The following TAFA1 variants were observed in gnomAD, a reference collection of about 807,000 sequenced individuals.
The protein encoded by TAFA1 is chemokine-like protein TAFA-1.
Under a neutral mutation model 18.5 loss-of-function variants are expected in TAFA1, and 4 were observed. That is an observed-to-expected ratio of 0.22 (90% confidence interval 0.11 to 0.49). The LOEUF is 0.49. Ranked by LOEUF, TAFA1 falls within the 20% of genes least tolerant of loss-of-function variation. The pLI is 0.98. For missense variants in TAFA1, 147 were observed against 169.0 expected, an observed-to-expected ratio of 0.87 and a Z score of 0.72; for synonymous variants, 56 against 55.2, an observed-to-expected ratio of 1.01 and a Z score of -0.06.
intron 2 of TAFA1, among the ~76,000 whole-genome samples, chr3:68,384,109 A>G (rs1341128636): frequency 1.3e-5 from 2 of 151,708 alleles, no homozygotes; most frequent in Non-Finnish European, 2.9e-5. Flanking sequence ...GAGGTATTTT[A>G]TTAATTTTCT....
At chr3:68,256,906 C>A (rs1432414298) in intron 2 of TAFA1, among the ~76,000 whole-genome samples, 1 of 152,108 alleles carries the variant, frequency 6.6e-6, no homozygotes, top group Non-Finnish European at 1.5e-5. Flanking sequence ...CCTCCAGTCT[C>A]TTTTCCACAC....
intron 2 of TAFA1, among the ~76,000 whole-genome samples, chr3:68,173,578 A>C (rs893789614): frequency 5.3e-5 from 8 of 152,214 alleles, no homozygotes; most frequent in African/African-American, 1.9e-4. Flanking sequence ...TAAAAACTTC[A>C]AACACTTAAG....
At chr3:68,072,949 G>GAACTAA (rs1189138336) in intron 2 of TAFA1, among the ~76,000 whole-genome samples, 22 of 152,282 alleles carry the variant, frequency 1.4e-4, no homozygotes, top group African/African-American at 5.3e-4. Flanking sequence ...GCATTAATTA[G>GAACTAA]TTTGTTAGAA....
intron 3 of TAFA1, among the ~76,000 whole-genome samples, chr3:68,536,660 T>C (rs908170354): frequency 6.6e-6 from 1 of 152,230 alleles, no homozygotes; most frequent in African/African-American, 2.4e-5. Flanking sequence ...AAGGGAAATA[T>C]AGAGTTTCTT....
chr3:68,055,420 G>T (rs1184870632), intron 2 of TAFA1, among the ~76,000 whole-genome samples: 1 of 152,022 alleles, frequency 6.6e-6, no homozygotes, highest in African/African-American at 2.4e-5. Context: ...CTACCCCAAG[G>T]GTACAGAACT....
intron 2 of TAFA1, among the ~76,000 whole-genome samples, chr3:68,174,532 A>G (rs1359728319): frequency 6.6e-6 from 1 of 152,208 alleles, no homozygotes; most frequent in Non-Finnish European, 1.5e-5. Flanking sequence ...GACATTTGTT[A>G]TGTTTTAGCA....
chr3:68,061,241 A>G (rs2064598597), intron 2 of TAFA1, among the ~76,000 whole-genome samples: 1 of 152,174 alleles, frequency 6.6e-6, no homozygotes, highest in Admixed American at 6.5e-5. Context: ...AAGGAGATTT[A>G]TTAAGTGTCA....
chr3:68,189,871 T>A (rs2066316600), intron 2 of TAFA1, among the ~76,000 whole-genome samples: 1 of 151,926 alleles, frequency 6.6e-6, no homozygotes, highest in African/African-American at 2.4e-5. Flanking sequence ...CAATTCTTAT[T>A]GTCACCATTG....
intron 3 of TAFA1, among the ~76,000 whole-genome samples, chr3:68,427,566 A>G (rs1406971365): frequency 1.3e-5 from 2 of 151,900 alleles, no homozygotes; most frequent in African/African-American, 4.8e-5. Flanking sequence ...CTGTATATAA[A>G]CTTATACAGA....
intron 2 of TAFA1, among the ~76,000 whole-genome samples, chr3:68,049,747 C>T (rs1039935499): frequency 6.6e-6 from 1 of 152,020 alleles, no homozygotes; most frequent in African/African-American, 2.4e-5. Flanking sequence ...AATTGACTGC[C>T]ATCATAACAG....
At chr3:68,042,398 C>A (rs569394102) in intron 2 of TAFA1, among the ~76,000 whole-genome samples, 1 of 152,210 alleles carries the variant, frequency 6.6e-6, no homozygotes, top group East Asian at 1.9e-4. Context: ...GCCTGTAATC[C>A]CAGCACGTTG....
chr3:68,140,301 A>T (rs766238072), intron 2 of TAFA1, among the ~76,000 whole-genome samples: 17 of 152,158 alleles, frequency 1.1e-4, no homozygotes, highest in Non-Finnish European at 2.4e-4. Flanking sequence ...TGCTCCCAAA[A>T]CTCCGAAGGA....
chr3:68,133,608 T>C (rs2065569756), intron 2 of TAFA1, among the ~76,000 whole-genome samples: 1 of 151,402 alleles, frequency 6.6e-6, no homozygotes, highest in African/African-American at 2.4e-5. Context: ...GATTCCTAGG[T>C]ATTTTATTCT....
At chr3:68,177,534 C>T (rs1466666601) in intron 2 of TAFA1, among the ~76,000 whole-genome samples, 1 of 152,056 alleles carries the variant, frequency 6.6e-6, no homozygotes, top group Non-Finnish European at 1.5e-5. Context: ...CTATTATATT[C>T]AATTTGTGAT....
intron 3 of TAFA1, among the ~76,000 whole-genome samples, chr3:68,445,763 A>G (rs1165416646): frequency 6.6e-6 from 1 of 152,114 alleles, no homozygotes; most frequent in Admixed American, 6.6e-5. Flanking sequence ...AAAAATTTGC[A>G]TTTCTAAACA....
intron 3 of TAFA1, among the ~76,000 whole-genome samples, chr3:68,507,605 G>C (rs964543296): frequency 2.2e-4 from 33 of 152,052 alleles, no homozygotes; most frequent in African/African-American, 7.7e-4. Context: ...AGATTTTTAG[G>C]CTCTAAAGTT....
intron 2 of TAFA1, among the ~76,000 whole-genome samples, chr3:68,100,170 C>CA (rs939447732): frequency 1.3e-5 from 2 of 151,828 alleles, no homozygotes; most frequent in Non-Finnish European, 2.9e-5. Flanking sequence ...ATTAAAAAAG[C>CA]AAAAAAACCC....
intron 2 of TAFA1, among the ~76,000 whole-genome samples, chr3:68,297,561 T>A (rs189012743): frequency 6.6e-6 from 1 of 152,310 alleles, no homozygotes; most frequent in East Asian, 1.9e-4. Context: ...GGCAATAATG[T>A]CTGGGAACTA....
At chr3:68,275,076 G>T (rs990936994) in intron 2 of TAFA1, among the ~76,000 whole-genome samples, 1 of 151,802 alleles carries the variant, frequency 6.6e-6, no homozygotes, top group East Asian at 1.9e-4. Context: ...TTTTAAGTTT[G>T]CAGGATAAAG....
Sources: gnomAD v4.1 joint callset for allele counts (sites outside exome capture counted in the v4.1 genomes callset) on GRCh38, gnomAD v4.1.1 for gene constraint, MANE v1.5 for transcripts, NCBI Gene and HGNC (gene_info 2026-07-23, HGNC 2026-07-21) for gene names.